DYNC1I1: variants seen among roughly 807,000 people sequenced by gnomAD.
DYNC1I1 encodes dynein cytoplasmic 1 intermediate chain 1, also known as cytoplasmic dynein 1 intermediate chain 1.
DYNC1I1 carries 43 observed loss-of-function variants against 86.6 expected under a neutral mutation model. The ratio of observed to expected loss-of-function variants is 0.50; its 90% CI spans 0.39 to 0.64. DYNC1I1 has a LOEUF of 0.64. DYNC1I1 is among the 30% of genes least tolerant of loss of function. DYNC1I1 has a pLI of 0.00. For missense variants in DYNC1I1, 604 were observed against 788.8 expected (o/e 0.77, Z 2.81); for synonymous variants, 262 against 283.7 (o/e 0.92, Z 0.77).
chr7:95,911,742 G>C (rs1304576002), intron 6 of DYNC1I1, among the ~76,000 whole-genome samples: 1 of 152,208 alleles, frequency 6.6e-6, no homozygotes, highest in Non-Finnish European at 1.5e-5. Context: ...AGGTCTGTGA[G>C]TTGCACGTGT....
rs192874679 is a variant in DYNC1I1 at position 96,098,407 on chromosome 7, A to G, written c.*814A>G. ...CCTAAATATGACATCAGTGTTGCCA[A>G]TAAAATGTTTCAAACCAGGTCTGCA... On this transcript the variant is annotated 3_prime_UTR_variant, in exon 17 of 17. Coordinates refer to ENST00000447467, the MANE Select transcript of DYNC1I1 (RefSeq NM_001135556.2). The G allele has an allele frequency of 2.2e-5, 22 of 985,488 alleles. No individual in the cohort carries two copies. Among genetic ancestry groups the G allele is most frequent in the Non-Finnish European group, 2.5e-5 (21 of 829,938 alleles). The allele number at this position is 985,488 out of a possible 1,614,324, so 61.0% of individuals were successfully genotyped here. A position where few individuals can be genotyped will look rare whatever the true frequency, so the allele number is the denominator to read the frequency against.
At chr7:96,104,854 A>T (rs1040121343) in intron 16 of DYNC1I1, among the ~76,000 whole-genome samples, 3 of 152,064 alleles carry the variant, frequency 2.0e-5, no homozygotes, top group African/African-American at 7.2e-5. Context: ...TAACTATTCT[A>T]GGTCTTTTGT....
At chr7:95,895,421 T>G (rs1027053728) in intron 6 of DYNC1I1, among the ~76,000 whole-genome samples, 11 of 152,178 alleles carry the variant, frequency 7.2e-5, no homozygotes, top group African/African-American at 2.4e-5. Flanking sequence ...TCTCATGTGG[T>G]TGTACGAGGA....
chr7:95,997,582 CTTGTGTGTGTGTGTGTGTGT>C (rs1793898632), intron 10 of DYNC1I1, among the ~76,000 whole-genome samples: 1 of 117,144 alleles, frequency 8.5e-6, no homozygotes, highest in Non-Finnish European at 1.7e-5. Context: ...AAAGGGCATT[CTTGTGTGTGTGTGTGTGTGT>C]GTGTGTGTGT....
chr7:95,858,098 C>T (rs1789774213), intron 5 of DYNC1I1, among the ~76,000 whole-genome samples: 1 of 152,164 alleles, frequency 6.6e-6, no homozygotes, highest in African/African-American at 2.4e-5. Flanking sequence ...GATCCTTTAA[C>T]AGATTCCATC....
At chr7:95,987,271 T>C in intron 9 of DYNC1I1, 116 bp downstream of exon 9, 3 of 856,580 alleles carry the variant, frequency 3.5e-6, no homozygotes, top group Admixed American at 4.6e-5. Context: ...TGTTGGTTTT[T>C]TTCCCCTCAT....
At chr7:95,968,046 C>T (rs934676777) in intron 6 of DYNC1I1, among the ~76,000 whole-genome samples, 5 of 152,066 alleles carry the variant, frequency 3.3e-5, no homozygotes, top group Admixed American at 3.3e-4. Context: ...TCAAATGTTT[C>T]CACCAGGAAA....
intron 14 of DYNC1I1, among the ~76,000 whole-genome samples, chr7:96,055,132 G>T (rs1963294): frequency 0.64 from 96,673 of 151,976 alleles, 31,624 homozygotes; most frequent in African/African-American, 0.81. Flanking sequence ...CATCTTGAGT[G>T]GATTTCTGTA....
intron 14 of DYNC1I1, among the ~76,000 whole-genome samples, chr7:96,063,966 G>C (rs570034759): frequency 6.6e-6 from 1 of 152,190 alleles, no homozygotes; most frequent in Admixed American, 6.5e-5. Context: ...CATGGATGTC[G>C]AGGGAAAGCA....
At chr7:96,025,825 A>G (rs1278249145) in intron 10 of DYNC1I1, among the ~76,000 whole-genome samples, 1 of 139,118 alleles carries the variant, frequency 7.2e-6, no homozygotes, top group African/African-American at 2.8e-5. Context: ...AGTCTCAACA[A>G]ACAGTACAAG....
At chr7:96,073,433 C>CA (rs1359735638) in intron 14 of DYNC1I1, among the ~76,000 whole-genome samples, 4 of 151,446 alleles carry the variant, frequency 2.6e-5, no homozygotes, top group Admixed American at 6.6e-5. Context: ...ACTACTAAAA[C>CA]AAAAAAGGAA....
intron 1 of DYNC1I1, among the ~76,000 whole-genome samples, chr7:95,782,456 G>A (rs1016485620): frequency 6.6e-6 from 1 of 152,194 alleles, no homozygotes; most frequent in African/African-American, 2.4e-5. Context: ...ACTTGCAATA[G>A]AGGTGTTGCT....
intron 6 of DYNC1I1, among the ~76,000 whole-genome samples, chr7:95,940,120 T>C (rs919772720): frequency 2.6e-5 from 4 of 152,100 alleles, no homozygotes; most frequent in Non-Finnish European, 5.9e-5. Flanking sequence ...ATGTTAAATA[T>C]TGGCCCCCAC....
At chr7:95,906,535 G>A (rs1791181953) in intron 6 of DYNC1I1, among the ~76,000 whole-genome samples, 1 of 151,490 alleles carries the variant, frequency 6.6e-6, no homozygotes, top group African/African-American at 2.4e-5. Flanking sequence ...CTCACAGTGA[G>A]TCCTTGATCT....
chr7:95,828,519 T>C (rs1053793019), intron 5 of DYNC1I1, among the ~76,000 whole-genome samples: 2 of 152,110 alleles, frequency 1.3e-5, no homozygotes, highest in Non-Finnish European at 2.9e-5. Flanking sequence ...AAATATTGGG[T>C]CTTGTTTCTT....
In DYNC1I1 at chr7:95,878,100, G is replaced by C. The variant is rs539449430; in HGVS notation, c.490+8102G>C. ...ACAATAACAAACCTGGGGGTTGGGG[G>C]GACTGGTATCCAGTGCTGCTACAAT... On this transcript the variant is annotated intron_variant, in intron 6 of 16. Coordinates refer to ENST00000447467, the MANE Select transcript of DYNC1I1 (RefSeq NM_001135556.2). Among the ~76,000 whole-genome samples the C allele has an allele frequency of 3.5e-4, 53 of 152,144 alleles. No individual in the cohort carries two copies. In the South Asian group the frequency reaches 6.4e-3, roughly 19 times the overall value.
chr7:95,915,657 C>T (rs1405045945), intron 6 of DYNC1I1, among the ~76,000 whole-genome samples: 1 of 152,054 alleles, frequency 6.6e-6, no homozygotes. Context: ...AGGACTCTGG[C>T]AAATTGCTGT....
intron 14 of DYNC1I1, among the ~76,000 whole-genome samples, chr7:96,041,908 A>G (rs990779716): frequency 5.9e-5 from 9 of 152,294 alleles, no homozygotes; most frequent in African/African-American, 2.2e-4. Flanking sequence ...ATAGTTATAA[A>G]AGAAAATGAA....
intron 16 of DYNC1I1, among the ~76,000 whole-genome samples, chr7:96,085,310 A>G: frequency 6.6e-6 from 1 of 152,128 alleles, no homozygotes; most frequent in East Asian, 1.9e-4. Context: ...GAAGGGGTAA[A>G]CACAGGATTG....
Sources: allele counts gnomAD v4.1 joint callset (sites outside exome capture counted in the v4.1 genomes callset), GRCh38; gene constraint gnomAD v4.1.1; transcripts MANE v1.5; gene names NCBI Gene and HGNC (gene_info 2026-07-23, HGNC 2026-07-21).